LRRTM4: variants seen among roughly 807,000 people sequenced by gnomAD.
LRRTM4 encodes leucine-rich repeat transmembrane neuronal protein 4.
A neutral mutation model predicts 47.6 loss-of-function variants in LRRTM4; 25 were observed. The observed-to-expected ratio is 0.53, with a 90% CI of 0.38 to 0.73. The LOEUF (loss-of-function observed/expected upper bound fraction) is 0.73, where lower values mean the gene tolerates loss of function less well. Ranked by LOEUF, LRRTM4 falls within the 30% of genes least tolerant of loss-of-function variation. LRRTM4 has a pLI of 0.00. For synonymous variants in LRRTM4, 311 were observed against 269.5 expected (o/e 1.15, Z -1.51); for missense variants, 638 against 713.4 (o/e 0.89, Z 1.20).
At chr2:77,514,827 TAGA>T (rs1236718245) in intron 3 of LRRTM4, among the ~76,000 whole-genome samples, 1 of 151,892 alleles carries the variant, frequency 6.6e-6, no homozygotes, top group Non-Finnish European at 1.5e-5. Flanking sequence ...AAACAAATCC[TAGA>T]AGAACTAGAT....
intron 3 of LRRTM4, among the ~76,000 whole-genome samples, chr2:76,970,586 C>T (rs1039113530): frequency 2.6e-5 from 4 of 151,948 alleles, no homozygotes; most frequent in African/African-American, 9.7e-5. Context: ...CATAATAACC[C>T]CTGAGAAATA....
chr2:77,308,454 G>A (rs1166919860), intron 3 of LRRTM4, among the ~76,000 whole-genome samples: 3 of 151,944 alleles, frequency 2.0e-5, no homozygotes, highest in Non-Finnish European at 2.9e-5. Context: ...ATTATCAACT[G>A]ACTAGCCCCT....
At chr2:77,245,106 A>G (rs1675395554) in intron 3 of LRRTM4, among the ~76,000 whole-genome samples, 1 of 152,234 alleles carries the variant, frequency 6.6e-6, no homozygotes, top group Admixed American at 6.5e-5. Flanking sequence ...AAACTAATAC[A>G]TGACAAATGC....
At chr2:76,885,170 C>A (rs763034477) in intron 3 of LRRTM4, among the ~76,000 whole-genome samples, 54 of 151,828 alleles carry the variant, frequency 3.6e-4, no homozygotes, top group Non-Finnish European at 6.9e-4. Context: ...ATTTTAAAAA[C>A]CACTCTAACT....
intron 3 of LRRTM4, among the ~76,000 whole-genome samples, chr2:77,422,451 G>A (rs1406176728): frequency 2.6e-5 from 4 of 152,124 alleles, no homozygotes; most frequent in African/African-American, 9.7e-5. Flanking sequence ...CATACTTTAA[G>A]ATACTCTACT....
chr2:76,878,793 G>A (rs1324458445), intron 3 of LRRTM4, among the ~76,000 whole-genome samples: 2 of 152,092 alleles, frequency 1.3e-5, no homozygotes, highest in African/African-American at 4.8e-5. Flanking sequence ...AGAATCGCTT[G>A]AACCCAGGAG....
At chr2:77,406,326 T>G (rs1674180748) in intron 3 of LRRTM4, among the ~76,000 whole-genome samples, 1 of 151,928 alleles carries the variant, frequency 6.6e-6, no homozygotes, top group South Asian at 2.1e-4. Context: ...CATTATCTAT[T>G]ATTATTATTA....
chr2:77,179,159 G>C (rs1673280539), intron 3 of LRRTM4, among the ~76,000 whole-genome samples: 1 of 152,132 alleles, frequency 6.6e-6, no homozygotes, highest in African/African-American at 2.4e-5. Flanking sequence ...GGAAATCTAT[G>C]GATGCCCCAG....
At chr2:76,931,309 T>C (rs960683612) in intron 3 of LRRTM4, among the ~76,000 whole-genome samples, 1 of 152,214 alleles carries the variant, frequency 6.6e-6, no homozygotes, top group Non-Finnish European at 1.5e-5. Flanking sequence ...TAATGCATAT[T>C]AGCAAAAATA....
intron 3 of LRRTM4, among the ~76,000 whole-genome samples, chr2:77,072,207 G>T (rs1457583174): frequency 6.6e-6 from 1 of 151,924 alleles, no homozygotes; most frequent in Non-Finnish European, 1.5e-5. Flanking sequence ...GACTCCAGTT[G>T]GCACCATAAA....
At chr2:77,406,790 A>G (rs758618463) in intron 3 of LRRTM4, among the ~76,000 whole-genome samples, 8 of 152,172 alleles carry the variant, frequency 5.3e-5, no homozygotes, top group Non-Finnish European at 1.2e-4. Context: ...GCTGAAGTAG[A>G]AAACATTTCT....
chr2:76,795,370 TTA>T (rs915571675), intron 3 of LRRTM4, among the ~76,000 whole-genome samples: 1 of 152,136 alleles, frequency 6.6e-6, no homozygotes, highest in Non-Finnish European at 1.5e-5. Context: ...TTAACCAACT[TTA>T]TATAAGACAA....
At chr2:77,219,790 G>A (rs1674566909) in intron 3 of LRRTM4, among the ~76,000 whole-genome samples, 2 of 152,180 alleles carry the variant, frequency 1.3e-5, no homozygotes, top group Admixed American at 6.5e-5. Flanking sequence ...GCAGGGCATA[G>A]ACAATCAAAA....
At position 77,431,114 on chromosome 2, in the gene LRRTM4, C is replaced by T. The variant is rs183334348; in HGVS notation, c.1551+87204G>A. On this transcript the variant is annotated intron_variant, in intron 3 of 3. Transcript: ENST00000409884. The stretch of plus-strand genomic sequence containing the variant: ...TTTCCCCGGTTCTTCGACTCCAAGA[C>T]AGCTGTAGTGAGACTTCTCAGCCTC... Among the ~76,000 whole-genome samples, 65 of 149,162 alleles carry T rather than the reference C, an allele frequency of 4.4e-4. 1 individual carries two copies. The East Asian group carries it at 0.012, about 28-fold the overall frequency.
At chr2:77,232,651 A>G (rs1674996902) in intron 3 of LRRTM4, among the ~76,000 whole-genome samples, 1 of 152,206 alleles carries the variant, frequency 6.6e-6, no homozygotes, top group South Asian at 2.1e-4. Context: ...TTTCCCTATT[A>G]TTTTGCCAAT....
At chr2:77,374,257 G>T (rs1384762595) in intron 3 of LRRTM4, among the ~76,000 whole-genome samples, 1 of 151,752 alleles carries the variant, frequency 6.6e-6, no homozygotes, top group Non-Finnish European at 1.5e-5. Context: ...AACTAAGAAA[G>T]AATTTAAGAG....
At chr2:77,026,509 T>G (rs1013565598) in intron 3 of LRRTM4, among the ~76,000 whole-genome samples, 2 of 152,098 alleles carry the variant, frequency 1.3e-5, no homozygotes, top group Non-Finnish European at 2.9e-5. Flanking sequence ...TTATTAACAT[T>G]TTAAATTGTA....
intron 3 of LRRTM4, among the ~76,000 whole-genome samples, chr2:77,134,979 C>T (rs1671894704): frequency 7.3e-6 from 1 of 137,598 alleles, no homozygotes. Flanking sequence ...CTTAAGAACA[C>T]CCAATACCTT....
chr2:77,066,201 A>T (rs1478476281), intron 3 of LRRTM4, among the ~76,000 whole-genome samples: 1 of 150,452 alleles, frequency 6.6e-6, no homozygotes, highest in Admixed American at 6.6e-5. Flanking sequence ...TGGTTCTATT[A>T]ATTTCTATTT....
Sources: allele counts gnomAD v4.1 joint callset (sites outside exome capture counted in the v4.1 genomes callset), GRCh38; gene constraint gnomAD v4.1.1; transcripts MANE v1.5; gene names NCBI Gene and HGNC (gene_info 2026-07-23, HGNC 2026-07-21).